PHF21B: variants seen among roughly 807,000 people sequenced by gnomAD.
The protein encoded by PHF21B is PHD finger protein 4.
A neutral mutation model predicts 62.2 loss-of-function variants in PHF21B; 22 were observed. The observed-to-expected ratio is 0.35, with a 90% CI of 0.25 to 0.51. PHF21B has a LOEUF of 0.51. Ranked by LOEUF, PHF21B falls within the 20% of genes least tolerant of loss-of-function variation. PHF21B has a pLI of 0.97. For synonymous variants in PHF21B, 341 were observed against 314.7 expected, an observed-to-expected ratio of 1.08 and a Z score of -0.88; for missense variants, 701 against 707.9, an observed-to-expected ratio of 0.99 and a Z score of 0.11.
intron 9 of PHF21B, among the ~76,000 whole-genome samples, chr22:44,889,306 C>G (rs2070918857): frequency 6.6e-6 from 1 of 152,112 alleles, no homozygotes; most frequent in African/African-American, 2.4e-5. Context: ...GGGGGCCCCA[C>G]AGGATCACAG....
chr22:45,005,442 A>C (rs1024345654), intron 2 of PHF21B, among the ~76,000 whole-genome samples: 2 of 152,198 alleles, frequency 1.3e-5, no homozygotes, highest in Admixed American at 6.5e-5. Context: ...TTAATTCCCT[A>C]GTCTCCGAAT....
At chr22:44,999,511 T>C (rs928395614) in intron 2 of PHF21B, among the ~76,000 whole-genome samples, 1 of 152,030 alleles carries the variant, frequency 6.6e-6, no homozygotes, top group African/African-American at 2.4e-5. Flanking sequence ...CCCAGGAAGC[T>C]TCCATGACTT....
intron 2 of PHF21B, among the ~76,000 whole-genome samples, chr22:44,935,441 T>C (rs532689007): frequency 3.9e-5 from 6 of 152,102 alleles, no homozygotes; most frequent in Admixed American, 6.6e-5. Context: ...GGTGAAACCC[T>C]GTCTCTACTA....
At chr22:45,005,570 A>C (rs946307430) in intron 2 of PHF21B, among the ~76,000 whole-genome samples, 1 of 152,216 alleles carries the variant, frequency 6.6e-6, no homozygotes, top group African/African-American at 2.4e-5. Flanking sequence ...TGTTTCTTAA[A>C]GTAACTGAGA....
intron 5 of PHF21B, among the ~76,000 whole-genome samples, chr22:44,910,475 G>A (rs1008243901): frequency 6.6e-6 from 1 of 152,148 alleles, no homozygotes; most frequent in African/African-American, 2.4e-5. Context: ...ACATATTATG[G>A]GAGGGACCTG....
At chr22:44,990,187 A>G (rs2073020548) in intron 2 of PHF21B, among the ~76,000 whole-genome samples, 1 of 152,202 alleles carries the variant, frequency 6.6e-6, no homozygotes, top group Non-Finnish European at 1.5e-5. Context: ...GGTTTGATGG[A>G]ACACGGTCAC....
chr22:45,003,547 G>C (rs1349815161), intron 2 of PHF21B: 1 of 152,386 alleles, frequency 6.6e-6, no homozygotes, highest in African/African-American at 2.4e-5. Context: ...CGAGCAGGTG[G>C]GCAGGGCCAT....
At chr22:45,006,699 G>A (rs1368062827) in intron 2 of PHF21B, among the ~76,000 whole-genome samples, 1 of 152,002 alleles carries the variant, frequency 6.6e-6, no homozygotes, top group African/African-American at 2.4e-5. Context: ...AAGAGACATT[G>A]TTCCAAGAAA....
intron 3 of PHF21B, among the ~76,000 whole-genome samples, 160 bp from the exon 4 acceptor site, chr22:44,916,790 C>T (rs2071443810): frequency 1.3e-5 from 2 of 152,204 alleles, no homozygotes; most frequent in African/African-American, 4.8e-5. Context: ...GACCTCGACC[C>T]CAATGCCTCC....
chr22:44,923,019 A>C (rs1462282061), intron 2 of PHF21B, among the ~76,000 whole-genome samples: 8 of 152,194 alleles, frequency 5.3e-5, no homozygotes, highest in Admixed American at 5.2e-4. Flanking sequence ...GAATAGCCAA[A>C]ACTATGAAAC....
chr22:44,936,276 C>T (rs1038174482), intron 2 of PHF21B, among the ~76,000 whole-genome samples: 6 of 152,158 alleles, frequency 3.9e-5, no homozygotes, highest in African/African-American at 1.2e-4. Flanking sequence ...CCAGTGGAGA[C>T]GGCACAGGGG....
intron 2 of PHF21B, among the ~76,000 whole-genome samples, chr22:44,964,350 T>G (rs1378084900): frequency 6.6e-6 from 1 of 152,236 alleles, no homozygotes; most frequent in East Asian, 1.9e-4. Context: ...AGGATGGGAC[T>G]TCGCGTGGTG....
chr22:44,883,997 C>G (rs1361016993), intron 12 of PHF21B, among the ~76,000 whole-genome samples: 2 of 151,034 alleles, frequency 1.3e-5, no homozygotes. Context: ...TCACCACCAC[C>G]ATGATCACCA....
Position 44,887,963 on chromosome 22 carries a change from CT to C in PHF21B, c.1196del (p.Lys399ArgfsTer3). The C allele has an allele frequency of 6.6e-7, 1 of 1,522,922 alleles. No individual in the cohort carries two copies. The highest frequency in any genetic ancestry group is 1.3e-5 in the South Asian group (1 of 76,708). 94.3% of individuals were successfully genotyped at this position (1,522,922 alleles called of 1,614,324 possible). On this transcript the variant is annotated frameshift_variant and splice_region_variant, in exon 10 of 13. Transcript: ENST00000313237. LOFTEE classifies it high-confidence loss of function. Reference protein sequence around the residue: ...GVWVCPRCQQKALKKDEGVPW... With the variant: ...GVWVCPRCQQXALKKDEGVPW... Reference sequence around the variant, plus strand: ...GAGGGGGTCACACAGCCTCCTGTACCTTCTGCTGGCACCTGGGGCACACCCA... The same window carrying C: ...GAGGGGGTCACACAGCCTCCTGTACCTCTGCTGGCACCTGGGGCACACCCA...
At chr22:44,976,622 G>T (rs1444407562) in intron 2 of PHF21B, among the ~76,000 whole-genome samples, 1 of 152,236 alleles carries the variant, frequency 6.6e-6, no homozygotes, top group Non-Finnish European at 1.5e-5. Flanking sequence ...GGAGCTGGAA[G>T]TGTCCTGTCC....
In PHF21B at chr22:44,888,565, CT is replaced by C. The variant is rs1262740744; in HGVS notation, c.1039-445del. 1.2e-4 allele frequency among the ~76,000 whole-genome samples: 19 copies of C among 152,284 alleles called. No homozygotes were observed. In the East Asian group the frequency reaches 2.9e-3, roughly 23 times the overall value. On this transcript the variant is annotated intron_variant, in intron 9 of 12. Transcript: ENST00000313237. ...CAGCACTCCCTCCCCGCCCCCACTG[CT>C]TATGTGGACACTGCCTGGAGGGGCG...
intron 2 of PHF21B, among the ~76,000 whole-genome samples, chr22:44,935,103 C>T (rs1412842552): frequency 2.0e-5 from 3 of 152,190 alleles, no homozygotes; most frequent in Non-Finnish European, 2.9e-5. Flanking sequence ...TCACGGCAAT[C>T]GGTCCAGTGG....
chr22:44,913,728 C>T (rs1419869622), intron 5 of PHF21B, 94 bp downstream of exon 5: 2 of 1,466,116 alleles, frequency 1.4e-6, no homozygotes, highest in Admixed American at 2.4e-5. Context: ...GTCGGGACCA[C>T]CCCACAGTGA....
Position 44,961,455 on chromosome 22 carries a change from G to A in PHF21B, c.121-40965C>T, listed in dbSNP as rs999533135. On this transcript the variant is annotated intron_variant, in intron 2 of 12. Transcript: ENST00000313237. ...GGAGTCCCTAGTATCCACTGTTGCC[G>A]TCTTTATGTCCCTGTGAATCTAATG... Among the ~76,000 whole-genome samples the A allele has an allele frequency of 6.6e-5, 10 of 152,038 alleles. No individual in the cohort carries two copies. The South Asian group carries it at 8.3e-4, about 13-fold the overall frequency.
Sources: allele counts gnomAD v4.1 joint callset (sites outside exome capture counted in the v4.1 genomes callset), GRCh38; gene constraint gnomAD v4.1.1; transcripts MANE v1.5; gene names NCBI Gene and HGNC (gene_info 2026-07-23, HGNC 2026-07-21).